Variants in KLHL24 observed in about 807,000 individuals in gnomAD.
KLHL24 encodes kelch like family member 24.
KLHL24 carries 29 observed loss-of-function variants against 53.4 expected under a neutral mutation model. That is an observed-to-expected ratio of 0.54 (90% CI 0.40 to 0.74). KLHL24 has a LOEUF of 0.74. Among genes scored for constraint, KLHL24 ranks in the 30% least tolerant of loss-of-function variants. KLHL24 has a pLI of 0.00. For missense variants in KLHL24, 504 were observed against 744.0 expected, an observed-to-expected ratio of 0.68 and a Z score of 3.75; for synonymous variants, 222 against 253.7, an observed-to-expected ratio of 0.88 and a Z score of 1.19.
intron 1 of KLHL24, among the ~76,000 whole-genome samples, chr3:183,640,263 C>CT (rs1212721037): frequency 1.3e-5 from 2 of 152,086 alleles, no homozygotes. Context: ...TTTTTTCTTC[C>CT]TTTAGGGTTG....
chr3:183,656,397 A>G (rs1311169342), intron 3 of KLHL24, among the ~76,000 whole-genome samples: 1 of 152,186 alleles, frequency 6.6e-6, no homozygotes, highest in East Asian at 1.9e-4. Flanking sequence ...ACTCCCCAAC[A>G]TAATTTTGAA....
intron 7 of KLHL24, among the ~76,000 whole-genome samples, chr3:183,678,156 G>A (rs9850810): frequency 0.34 from 50,987 of 152,128 alleles, 9,404 homozygotes; most frequent in African/African-American, 0.49. Context: ...TAGTAACTGT[G>A]TTATTGACAG....
chr3:183,669,488 T>C (rs1721049726), intron 5 of KLHL24, among the ~76,000 whole-genome samples: 1 of 152,154 alleles, frequency 6.6e-6, no homozygotes, highest in African/African-American at 2.4e-5. Context: ...GGTTCCATAC[T>C]CCATATAGCT....
intron 5 of KLHL24, among the ~76,000 whole-genome samples, chr3:183,670,615 A>G (rs3772705): frequency 0.28 from 43,051 of 152,126 alleles, 6,276 homozygotes; most frequent in Middle Eastern, 0.35. Context: ...ATAATCAAAT[A>G]TTTCATTACC....
rs1393584016 is a variant in KLHL24, at chr3:183,681,698, T to A, written c.*2412T>A. ...TACCCAACTTAATATTTTAATTTTT[T>A]AATATTTATCTTCCTTTACTAATTC... On this transcript the variant is annotated 3_prime_UTR_variant, in exon 8 of 8. Transcript: ENST00000242810. 1 of 152,386 alleles carries A rather than the reference T, an allele frequency of 6.6e-6. No individual in the cohort carries two copies. The highest frequency in any genetic ancestry group is 1.5e-5 in the Non-Finnish European group (1 of 67,906). The allele number at this position is 152,386 out of a possible 1,614,324, so 9.4% of individuals were successfully genotyped here.
rs1716995508 is a variant in KLHL24, at chr3:183,644,810, A to G, written c.-62+1268A>G. On this transcript the variant is annotated intron_variant, in intron 2 of 7. Coordinates refer to ENST00000242810, the MANE Select transcript of KLHL24 (RefSeq NM_017644.3). Reference sequence around the variant, plus strand: ...AATCATTGAATACATAAAACAAAGTATACTTTTATATTTGTTTTTCTACTT... The same window carrying G: ...AATCATTGAATACATAAAACAAAGTGTACTTTTATATTTGTTTTTCTACTT... Among the ~76,000 whole-genome samples, 9 of 152,366 alleles carry G rather than the reference A, an allele frequency of 5.9e-5. No individual in the cohort carries two copies. In the South Asian group the frequency reaches 1.9e-3, roughly 32 times the overall value.
chr3:183,671,330 A>G, intron 6 of KLHL24, 108 bp downstream of exon 6: 1 of 903,208 alleles, frequency 1.1e-6, no homozygotes, highest in Non-Finnish European at 1.6e-6. Flanking sequence ...GGTCTTTTAA[A>G]AATTTTCTGG....
At chr3:183,674,275 C>CTTTCTTTCTT (rs1380670908) in intron 7 of KLHL24, among the ~76,000 whole-genome samples, 25 of 150,254 alleles carry the variant, frequency 1.7e-4, no homozygotes, top group Non-Finnish European at 3.3e-4. Context: ...TTCTTTCTTT[C>CTTTCTTTCTT]TTTCTTTCTT....
chr3:183,638,938 C>G (rs1284303096), intron 1 of KLHL24, among the ~76,000 whole-genome samples: 1 of 152,232 alleles, frequency 6.6e-6, no homozygotes, highest in Non-Finnish European at 1.5e-5. Context: ...CGGTGGCTCA[C>G]GCCTGTAATC....
At chr3:183,656,893 C>T (rs1389863330) in intron 3 of KLHL24, among the ~76,000 whole-genome samples, 29 of 145,202 alleles carry the variant, frequency 2.0e-4, no homozygotes, top group African/African-American at 7.6e-4. Flanking sequence ...AGACCCCGTT[C>T]TCCAGAAAAA....
intron 7 of KLHL24, among the ~76,000 whole-genome samples, chr3:183,678,252 G>A (rs899144893): frequency 5.3e-5 from 8 of 152,346 alleles, no homozygotes; most frequent in African/African-American, 1.9e-4. Flanking sequence ...GCCCAGCCAA[G>A]GCTCCTAATA....
intron 7 of KLHL24, among the ~76,000 whole-genome samples, chr3:183,673,505 G>C (rs186681268): frequency 1.2e-3 from 188 of 152,142 alleles, no homozygotes; most frequent in Middle Eastern, 0.01. Flanking sequence ...TAGAGGCTGG[G>C]AAATCTGTTA....
At chr3:183,647,378 T>C (rs1346706009) in intron 2 of KLHL24, among the ~76,000 whole-genome samples, 1 of 151,494 alleles carries the variant, frequency 6.6e-6, no homozygotes, top group Non-Finnish European at 1.5e-5. Context: ...ATCGTGCCAC[T>C]GCACTCCAGC....
intron 1 of KLHL24, chr3:183,636,572 G>C (rs942613915): frequency 6.6e-6 from 1 of 152,244 alleles, no homozygotes; most frequent in African/African-American, 2.4e-5. Context: ...GTTCCTAATG[G>C]ACCCGCCCTC....
In KLHL24 at chr3:183,680,586, A is replaced by G. The variant is rs993533665; in HGVS notation, c.*1300A>G. On this transcript the variant is annotated 3_prime_UTR_variant, in exon 8 of 8. Coordinates refer to ENST00000242810, the MANE Select transcript of KLHL24 (RefSeq NM_017644.3). ...TTGGTCCCCATTGTGTAAAATACTA[A>G]TCAACATTTTCAAGCTTCTGTACAA... 1 of 152,204 alleles carries G rather than the reference A, an allele frequency of 6.6e-6. No homozygotes were observed. The highest frequency in any genetic ancestry group is 1.5e-5 in the Non-Finnish European group (1 of 68,036). 9.4% of individuals were successfully genotyped at this position (152,204 alleles called of 1,614,324 possible).
Position 183,651,200 on chromosome 3 carries a change from T to C in KLHL24, c.844T>C (p.Tyr282His), listed in dbSNP as rs2108797913. ...DQLIQNSPEC[Y>H]QLLHEARRYH... Reference sequence around the variant, plus strand: ...ATTGATCCAGAATTCTCCTGAGTGTTATCAGTTGTTGCATGAAGCAAGACG... The same window carrying C: ...ATTGATCCAGAATTCTCCTGAGTGTCATCAGTTGTTGCATGAAGCAAGACG... Residue 282 changes from tyrosine (Y) to histidine (H), a missense_variant, in exon 3 of 8, where the codon TAT (tyrosine) becomes CAT (histidine). Coordinates refer to ENST00000242810, the MANE Select transcript of KLHL24 (RefSeq NM_017644.3). 3.1e-6 allele frequency: 5 copies of C among 1,614,186 alleles called. No individual in the cohort carries two copies. Among genetic ancestry groups the C allele is most frequent in the Non-Finnish European group, 4.2e-6 (5 of 1,180,014 alleles).
chr3:183,640,422 A>G (rs909503421), intron 1 of KLHL24, among the ~76,000 whole-genome samples: 1 of 152,122 alleles, frequency 6.6e-6, no homozygotes, highest in Non-Finnish European at 1.5e-5. Context: ...AAGCTTTCCT[A>G]AATTTGTCAT....
chr3:183,671,153 A>G lies in KLHL24; in HGVS notation c.1344A>G (p.Ala448=), dbSNP rs770017921. 5.5e-5 allele frequency: 89 copies of G among 1,614,040 alleles called. No homozygotes were observed. The highest frequency in any genetic ancestry group is 7.3e-5 in the Non-Finnish European group (86 of 1,180,014). Residue 448 remains alanine (A), a synonymous_variant, in exon 6 of 8, where the codon GCA becomes GCG. Coordinates refer to ENST00000242810, the MANE Select transcript of KLHL24 (RefSeq NM_017644.3). ...APLKEAVSSP[A]VTSCVGKLFV... is the part of the protein sequence containing the mutation. ...TTAAGGAAGCCGTGAGTTCTCCTGCAGTGACTAGCTGTGTAGGCAAACTGT... is the reference window on the plus strand; with the variant it reads ...TTAAGGAAGCCGTGAGTTCTCCTGCGGTGACTAGCTGTGTAGGCAAACTGT...
intron 7 of KLHL24, among the ~76,000 whole-genome samples, chr3:183,673,767 CTT>C (rs1211402910): frequency 1.3e-5 from 2 of 152,154 alleles, no homozygotes; most frequent in Non-Finnish European, 2.9e-5. Context: ...TTCATACTCT[CTT>C]GTTTTTCTAC....
Sources: allele counts gnomAD v4.1 joint callset (sites outside exome capture counted in the v4.1 genomes callset), GRCh38; gene constraint gnomAD v4.1.1; transcripts MANE v1.5; gene names NCBI Gene and HGNC (gene_info 2026-07-23, HGNC 2026-07-21).